Variants in ATG16L2 observed in about 807,000 individuals in gnomAD.
ATG16L2 encodes the protein autophagy related 16 like 2, also known as protein Atg16l2.
Under a neutral mutation model 84.7 loss-of-function variants are expected in ATG16L2, and 77 were observed. That is an observed-to-expected ratio of 0.91 (90% CI 0.76 to 1.10). ATG16L2 has a LOEUF of 1.10. ATG16L2 is among the 50% of genes least tolerant of loss of function. ATG16L2 has a pLI of 0.00. For synonymous variants in ATG16L2, 361 were observed against 342.8 expected, an observed-to-expected ratio of 1.05 and a Z score of -0.59; for missense variants, 782 against 817.6, an observed-to-expected ratio of 0.96 and a Z score of 0.53.
At position 72,838,894 on chromosome 11, in the gene ATG16L2, G is replaced by A. The variant is rs753124464; in HGVS notation, c.*22-3723G>A. ...CCGGACCTGAGCAGGAAACAATTAC[G>A]TAGTTTGTCAGTCAGTTCCTGACTC... is the stretch of plus-strand genomic sequence containing the variant. On this transcript the variant is annotated intron_variant, in intron 5 of 5. Transcript: ENST00000534905. 3.2e-5 allele frequency: 51 copies of A among 1,593,646 alleles called. No individual in the cohort carries two copies. In the East Asian group the frequency reaches 6.3e-4, roughly 20 times the overall value.
intron 5 of ATG16L2, chr11:72,840,913 C>T (rs1286642606): frequency 1.2e-6 from 2 of 1,613,226 alleles, no homozygotes; most frequent in South Asian, 1.1e-5. Context: ...CAGGAGTATG[C>T]CTTGATGCCT....
At chr11:72,819,393 T>C (rs1263543411) in intron 3 of ATG16L2, among the ~76,000 whole-genome samples, 2 of 151,386 alleles carry the variant, frequency 1.3e-5, no homozygotes, top group Admixed American at 1.3e-4. Flanking sequence ...GCTTTCAGAG[T>C]GACATATTTT....
In ATG16L2 at chr11:72,822,330, GC is replaced by G; in HGVS notation, c.644+39del. ...CAGGCCCCGCCCCTCCTGAGGAAAG[GC>G]CCCGCCCCTGCAGGGAGGAGTCGGG... On this transcript the variant is annotated intron_variant, in intron 5 of 17. Coordinates refer to ENST00000321297, the MANE Select transcript of ATG16L2 (RefSeq NM_033388.2). This position sits in a 1 kb window ranked among gnomAD's most constrained non-coding sequence, Gnocchi z 4.2. 6.5e-7 allele frequency: 1 copy of G among 1,530,974 alleles called. No homozygotes were observed. Among genetic ancestry groups the G allele is most frequent in the Non-Finnish European group, 8.7e-7 (1 of 1,142,922 alleles). The allele number at this position is 1,530,974 out of a possible 1,614,324, so 94.8% of individuals were successfully genotyped here.
intron 5 of ATG16L2, among the ~76,000 whole-genome samples, chr11:72,834,790 G>A (rs1860684774): frequency 6.6e-6 from 1 of 152,170 alleles, no homozygotes; most frequent in South Asian, 2.1e-4. Context: ...CCATTATGTT[G>A]GTCAGGCTGG....
chr11:72,827,912 G>A (rs748150660), intron 14 of ATG16L2, among the ~76,000 whole-genome samples: 11 of 152,154 alleles, frequency 7.2e-5, no homozygotes, highest in South Asian at 2.1e-4. Context: ...CAGCCTGGGC[G>A]ACAGAGCGAG....
rs1417972353 is a variant in ATG16L2, at chr11:72,822,626, A to C, written c.710+83A>C. ...TGCGGCGACCCAGGCTGCCGACTGT[A>C]CTTGTGCACAGCCCCGTCCTGAGGC... is the stretch of plus-strand genomic sequence containing the variant. On this transcript the variant is annotated intron_variant, in intron 6 of 17. Transcript: ENST00000321297. The surrounding 1 kb of genome is among the most constrained non-coding windows in gnomAD (Gnocchi z 4.2). 6.5e-7 allele frequency: 1 copy of C among 1,540,578 alleles called. No individual in the cohort carries two copies. The highest frequency in any genetic ancestry group is 8.8e-7 in the Non-Finnish European group (1 of 1,134,760).
chr11:72,828,846 G>C, intron 16 of ATG16L2, 37 bp from the exon 17 acceptor site: 1 of 1,613,950 alleles, frequency 6.2e-7, no homozygotes, highest in Non-Finnish European at 8.5e-7. Context: ...CCTCCCCTCT[G>C]ACCCCCCGTT....
rs1336320437 is a variant in ATG16L2 at position 72,822,286 on chromosome 11, G to A, written c.635G>A (p.Arg212His). The A allele has an allele frequency of 6.6e-7, 1 of 1,510,860 alleles. No homozygotes were observed. The highest frequency in any genetic ancestry group is 2.3e-5 in the Admixed American group (1 of 43,998). 93.6% of individuals were successfully genotyped at this position (1,510,860 alleles called of 1,614,324 possible). The change falls in exon 5 of 18, where the codon CGC (arginine) becomes CAC (histidine). Residue 212 changes from arginine (R) to histidine (H), a missense_variant. Physicochemically the swap from Arg to His is conservative, Grantham distance 29. Coordinates refer to ENST00000321297, the MANE Select transcript of ATG16L2 (RefSeq NM_033388.2). The surrounding 1 kb of genome is among the most constrained non-coding windows in gnomAD (Gnocchi z 4.2). ...GCCGAGCGCAACCTGCGCAACGAGC[G>A]CCGGGAGCGGTGAGGGAGCAGGCCC... ...AAAERNLRNE[R>H]RERAKQARVS...
At chr11:72,826,027 G>A (rs3765638) in intron 10 of ATG16L2, 146 bp from the exon 11 acceptor site, 117,875 of 658,952 alleles carry the variant, frequency 0.18, 12,600 homozygotes, top group East Asian at 0.34. Context: ...GCCCAGGCCC[G>A]CAGAACAGAC....
In ATG16L2 at chr11:72,816,792, A is replaced by G. The variant is rs748481468; in HGVS notation, c.183A>G (p.Pro61=). 4 of 1,614,136 alleles carry G rather than the reference A, an allele frequency of 2.5e-6. No individual in the cohort carries two copies. In the East Asian group the frequency reaches 6.7e-5, roughly 27 times the overall value. ...TCTCAAAGAAGCTGCAGCCGGAGCC[A>G]AACAGTGTCACTCCCACCACCCACC... The part of the protein sequence containing the change: ...DKFSKKLQPE[P]NSVTPTTHQG... Residue 61 remains proline, a synonymous_variant, in exon 2 of 18, where the codon CCA becomes CCG. Coordinates refer to ENST00000321297, the MANE Select transcript of ATG16L2 (RefSeq NM_033388.2).
intron 14 of ATG16L2, 117 bp from the exon 15 acceptor site, chr11:72,828,242 G>A: frequency 8.4e-7 from 1 of 1,184,568 alleles, no homozygotes; most frequent in Non-Finnish European, 1.2e-6. Flanking sequence ...AGCGATCCAG[G>A]GCCCTGGGGT....
chr11:72,826,466 A>AAGAATGTTGC (rs1428866624), intron 11 of ATG16L2, 52 bp from the exon 12 acceptor site: 3 of 1,608,122 alleles, frequency 1.9e-6, no homozygotes, highest in Non-Finnish European at 2.6e-6. Flanking sequence ...CTGTGGCCCG[A>AAGAATGTTGC]AGAATGTTGC....
Position 72,816,738 on chromosome 11 carries a change from C to G in ATG16L2, c.129C>G (p.Leu43=). The change falls in exon 2 of 18, where the codon CTC becomes CTG. Residue 43 remains leucine (L), a synonymous_variant. Transcript: ENST00000321297. The part of the protein sequence containing the change: ...FLELVPAYNH[L]LEKAELLDKF... ...TCTTGCACTCTCCAGATAACCATCT[C>G]TTAGAGAAGGCTGAGCTGCTGGACA... The G allele has an allele frequency of 6.2e-7, 1 of 1,614,122 alleles. No individual in the cohort carries two copies. The highest frequency in any genetic ancestry group is 1.3e-5 in the African/African-American group (1 of 75,066).
At chr11:72,815,518 G>A (rs1489480151) in intron 1 of ATG16L2, among the ~76,000 whole-genome samples, 2 of 122,290 alleles carry the variant, frequency 1.6e-5, no homozygotes, top group African/African-American at 6.1e-5. Flanking sequence ...CCTGCCCCCC[G>A]CCCCGACCCA....
intron 7 of ATG16L2, chr11:72,823,239 A>C: frequency 2.5e-6 from 1 of 394,726 alleles, no homozygotes; most frequent in Non-Finnish European, 4.7e-6. Context: ...AATAGCTGTC[A>C]CCAGGAGAGA....
chr11:72,841,652 C>T, intron 5 of ATG16L2: 1 of 1,425,456 alleles, frequency 7.0e-7, no homozygotes. Flanking sequence ...GCTTCTCTGA[C>T]TGCTCTGTAC....
intron 3 of ATG16L2, among the ~76,000 whole-genome samples, chr11:72,819,763 T>C (rs77392972): frequency 6.6e-6 from 1 of 151,882 alleles, no homozygotes; most frequent in East Asian, 1.9e-4. Context: ...TTTTTTTTTT[T>C]GAGACGGAGT....
intron 5 of ATG16L2, chr11:72,838,962 A>C: frequency 1.7e-6 from 2 of 1,174,864 alleles, no homozygotes; most frequent in Non-Finnish European, 2.5e-6. Context: ...CATCTGTCCA[A>C]GGACATGGGC....
At chr11:72,843,017 G>A (rs1473584016) in exon 6 of ATG16L2, 4 of 951,634 alleles carry the variant, frequency 4.2e-6, no homozygotes, top group African/African-American at 1.7e-5. Context: ...CAGGACAAAC[G>A]TGACCATATA....
Sources: gnomAD v4.1 joint callset for allele counts (sites outside exome capture counted in the v4.1 genomes callset) on GRCh38, gnomAD v4.1.1 for gene constraint, Gnocchi (gnomAD v3.1) non-coding constraint, MANE v1.5 for transcripts, NCBI Gene and HGNC (gene_info 2026-07-23, HGNC 2026-07-21) for gene names.